F10: variants seen among roughly 807,000 people sequenced by gnomAD.
The protein encoded by F10 is Stuart-Prower factor.
In F10, 29 loss-of-function variants were observed where a neutral mutation model predicts 37.1. That is an observed-to-expected ratio of 0.78 (90% CI 0.58 to 1.07). F10 has a LOEUF of 1.07. Among genes scored for constraint, F10 ranks in the 50% least tolerant of loss-of-function variants. F10 has a pLI of 0.00. For synonymous variants in F10, 262 were observed against 268.6 expected (o/e 0.98, Z 0.24); for missense variants, 539 against 667.9 (o/e 0.81, Z 2.13).
At chr13:113,148,359 T>C (rs566211858) in intron 7 of F10, among the ~76,000 whole-genome samples, 13 of 99,068 alleles carry the variant, frequency 1.3e-4, no homozygotes, top group Admixed American at 2.9e-4. Context: ...TATATATATA[T>C]ATATGTATAT....
At chr13:113,124,331 G>A (rs966009064) in intron 1 of F10, among the ~76,000 whole-genome samples, 12 of 152,266 alleles carry the variant, frequency 7.9e-5, no homozygotes, top group Non-Finnish European at 1.8e-4. Context: ...TGGAGCGCCA[G>A]CTTCCCTTCC....
At chr13:113,147,582 T>A (rs2036593957) in intron 7 of F10, 86 bp downstream of exon 7, 2 of 859,744 alleles carry the variant, frequency 2.3e-6, no homozygotes, top group Admixed American at 3.4e-5. Context: ...ATGGAATTTG[T>A]TGGGAACACT....
At chr13:113,126,986 T>C (rs2036376765) in intron 1 of F10, among the ~76,000 whole-genome samples, 1 of 152,094 alleles carries the variant, frequency 6.6e-6, no homozygotes, top group South Asian at 2.1e-4. Flanking sequence ...CGCAGAGTAA[T>C]GGGGCAGGGT....
chr13:113,122,987 T>C, intron 1 of F10, 62 bp downstream of exon 1: 3 of 1,564,316 alleles, frequency 1.9e-6, no homozygotes, highest in Non-Finnish European at 8.7e-7. Context: ...GGGCGGCAGT[T>C]GGGGAAACCC....
chr13:113,147,137 A>G (rs1431162170), intron 6 of F10, among the ~76,000 whole-genome samples: 1 of 152,106 alleles, frequency 6.6e-6, no homozygotes, highest in African/African-American at 2.4e-5. Flanking sequence ...TGTGCATGAG[A>G]CTTTAGAGAG....
In F10 at chr13:113,143,938, G is replaced by C. The variant is rs1324635569; in HGVS notation, c.590G>C (p.Ser197Thr). ...ATSSSGEAPD[S>T]ITWKPYDAAD... Reference sequence around the variant, plus strand: ...AGCAGCAGCGGGGAGGCCCCTGACAGCATCACATGGAAGCCATATGATGCA... The same window carrying C: ...AGCAGCAGCGGGGAGGCCCCTGACACCATCACATGGAAGCCATATGATGCA... The change falls in exon 6 of 8, where the codon AGC becomes ACC. Residue 197 changes from serine (S) to threonine (T), a missense_variant. This residue lies in a region of F10 where 409 missense variants were observed against 547.9 expected (regional missense o/e 0.75). Coordinates refer to ENST00000375559, the MANE Select transcript of F10 (RefSeq NM_000504.4). The surrounding 1 kb of genome is among the most constrained non-coding windows in gnomAD (Gnocchi z 6.8). 6.2e-7 allele frequency: 1 copy of C among 1,613,420 alleles called. No homozygotes were observed. The highest frequency in any genetic ancestry group is 8.5e-7 in the Non-Finnish European group (1 of 1,179,996).
rs1313355613 is a variant in F10, at chr13:113,148,349, T to A, written c.866-567T>A. ...CTGTCTCAAAAAAAAAAAAAAAATA[T>A]ATATATATATATATGTATATATATA... On this transcript the variant is annotated intron_variant, in intron 7 of 7. Coordinates refer to ENST00000375559, the MANE Select transcript of F10 (RefSeq NM_000504.4). Among the ~76,000 whole-genome samples, 51 of 105,882 alleles carry A rather than the reference T, an allele frequency of 4.8e-4. 1 individual carries two copies. The highest frequency in any genetic ancestry group is 1.2e-3 in the African/African-American group (33 of 27,614). The allele number at this position is 105,882 out of a possible 152,430, so 69.5% of individuals were successfully genotyped here. A position where few individuals can be genotyped will look rare whatever the true frequency, so the allele number is the denominator to read the frequency against.
chr13:113,134,609 T>C (rs983350814), intron 2 of F10, among the ~76,000 whole-genome samples: 4 of 152,176 alleles, frequency 2.6e-5, no homozygotes, highest in African/African-American at 9.7e-5. Flanking sequence ...TTATGGGAAC[T>C]ACAATTCAAG....
intron 2 of F10, among the ~76,000 whole-genome samples, chr13:113,133,792 G>A (rs570826387): frequency 3.3e-5 from 5 of 152,136 alleles, no homozygotes; most frequent in South Asian, 2.1e-4. Flanking sequence ...ATTAGCAAAC[G>A]GTGCAGCAAT....
rs1431499417 is a variant in F10, at chr13:113,138,417, T to G, written c.232-40T>G. On this transcript the variant is annotated intron_variant, in intron 2 of 7. Transcript: ENST00000375559. ...TTGTTATTGGTATAAAATGTCTCTG[T>G]TTTCCCTAATATATTTTTAAATTTC... 3.9e-6 allele frequency: 4 copies of G among 1,021,630 alleles called. No homozygotes were observed. In the South Asian group the frequency reaches 4.1e-5, roughly 10 times the overall value. 63.3% of individuals were successfully genotyped at this position (1,021,630 alleles called of 1,614,324 possible).
At chr13:113,137,381 G>A (rs1049116817) in intron 2 of F10, among the ~76,000 whole-genome samples, 1 of 152,088 alleles carries the variant, frequency 6.6e-6, no homozygotes, top group African/African-American at 2.4e-5. Flanking sequence ...GGGTATTTGG[G>A]GGGGAAGGAT....
chr13:113,138,324 C>G, intron 2 of F10, 133 bp from the exon 3 acceptor site: 1 of 546,278 alleles, frequency 1.8e-6, no homozygotes, highest in Non-Finnish European at 3.3e-6. Flanking sequence ...AGTTCTAGAA[C>G]AATTCATTCC....
chr13:113,129,406 G>GGTGAAGAGGAGCCTGA (rs780416078), intron 1 of F10, 46 bp from the exon 2 acceptor site: 2 of 1,611,948 alleles, frequency 1.2e-6, no homozygotes, highest in Non-Finnish European at 1.7e-6. Flanking sequence ...GGGGAGCCTG[G>GGTGAAGAGGAGCCTGA]GTGAGGGTGA....
rs1436949160 is a variant in F10, at chr13:113,146,885, C to A, written c.748-494C>A. Among the ~76,000 whole-genome samples, 2 of 152,246 alleles carry A rather than the reference C, an allele frequency of 1.3e-5. No individual in the cohort carries two copies. Among genetic ancestry groups the A allele is most frequent in the East Asian group, 3.9e-4 (2 of 5,174 alleles). On this transcript the variant is annotated intron_variant, in intron 6 of 7. Transcript: ENST00000375559. The surrounding 1 kb of genome is among the most constrained non-coding windows in gnomAD (Gnocchi z 4.5). ...GTTCCAAGTCCTGGCAGGTAGGAGA[C>A]CCTTCACAGGAGCTGCCACAGGGAC...
chr13:113,133,040 G>A (rs569112451), intron 2 of F10, among the ~76,000 whole-genome samples: 2 of 152,244 alleles, frequency 1.3e-5, no homozygotes, highest in Admixed American at 1.3e-4. Flanking sequence ...AGTATTTTGA[G>A]CTGAACAAAA....
intron 7 of F10, 79 bp from the exon 8 acceptor site, chr13:113,148,837 A>G (rs780503213): frequency 6.8e-5 from 105 of 1,555,252 alleles, no homozygotes; most frequent in Non-Finnish European, 7.9e-5. Context: ...AAAAATATAT[A>G]TAACTTCCTT....
rs746084152 is a variant in F10 at position 113,122,926 on chromosome 13, G to C, written c.70+1G>C. The stretch of plus-strand genomic sequence containing the variant: ...GGCCTCCTGCTGCTCGGGGAAAGTC[G>C]TAAGTGCCCCTCGCCCTTCAGACCC... On this transcript the variant is annotated splice_donor_variant, in intron 1 of 7. Coordinates refer to ENST00000375559, the MANE Select transcript of F10 (RefSeq NM_000504.4). LOFTEE classifies it high-confidence loss of function. The C allele has an allele frequency of 6.2e-7, 1 of 1,609,374 alleles. No homozygotes were observed. Among genetic ancestry groups the C allele is most frequent in the Non-Finnish European group, 8.5e-7 (1 of 1,179,988 alleles).
chr13:113,145,190 A>G (rs974233384), intron 6 of F10, among the ~76,000 whole-genome samples: 3 of 152,020 alleles, frequency 2.0e-5, no homozygotes, highest in Admixed American at 6.6e-5. Flanking sequence ...ATGCCTGGCT[A>G]ATTTTTTTAT....
In F10 at chr13:113,146,928, G is replaced by A. The variant is rs1385884573; in HGVS notation, c.748-451G>A. 1.3e-5 allele frequency among the ~76,000 whole-genome samples: 2 copies of A among 152,178 alleles called. No individual in the cohort carries two copies. The highest frequency in any genetic ancestry group is 6.5e-5 in the Admixed American group (1 of 15,286). On this transcript the variant is annotated intron_variant, in intron 6 of 7. Transcript: ENST00000375559. The surrounding 1 kb of genome is among the most constrained non-coding windows in gnomAD (Gnocchi z 4.5). Reference sequence around the variant, plus strand: ...ACAGGGACCCCCAGGAAGTCACCTGGGATGGAGGTGTCCGTGCACCATGGG... The same window carrying A: ...ACAGGGACCCCCAGGAAGTCACCTGAGATGGAGGTGTCCGTGCACCATGGG...
Sources: gnomAD v4.1 joint callset for allele counts (sites outside exome capture counted in the v4.1 genomes callset) on GRCh38, gnomAD v4.1.1 for gene constraint, gnomAD v4.1.1 regional missense constraint, Gnocchi (gnomAD v3.1) non-coding constraint, MANE v1.5 for transcripts, NCBI Gene and HGNC (gene_info 2026-07-23, HGNC 2026-07-21) for gene names.